CNTNAP2: variants seen among roughly 807,000 people sequenced by gnomAD.
CNTNAP2 encodes the protein contactin-associated protein-like 2.
A neutral mutation model predicts 155.2 loss-of-function variants in CNTNAP2; 98 were observed. The observed-to-expected ratio is 0.63, with a 90% confidence interval of 0.54 to 0.75. The LOEUF (loss-of-function observed/expected upper bound fraction) is 0.75. Ranked by LOEUF, CNTNAP2 falls within the 30% of genes least tolerant of loss-of-function variation. The pLI is 0.00. For missense variants in CNTNAP2, 1,727 were observed against 1,688.1 expected (o/e 1.02, Z -0.40); for synonymous variants, 651 against 631.2 (o/e 1.03, Z -0.47).
At chr7:147,525,294 T>C (rs1329490888) in intron 11 of CNTNAP2, among the ~76,000 whole-genome samples, 1 of 152,174 alleles carries the variant, frequency 6.6e-6, no homozygotes, top group Non-Finnish European at 1.5e-5. Flanking sequence ...TGTGTCTGTA[T>C]AACAAAGACA....
chr7:147,071,704 G>A (rs1799895847), intron 4 of CNTNAP2, among the ~76,000 whole-genome samples: 1 of 152,180 alleles, frequency 6.6e-6, no homozygotes. Context: ...GATACGGGTA[G>A]TTAAGGCTGA....
intron 13 of CNTNAP2, among the ~76,000 whole-genome samples, chr7:147,895,284 T>C (rs1585015336): frequency 6.6e-6 from 1 of 152,118 alleles, no homozygotes; most frequent in Non-Finnish European, 1.5e-5. Context: ...TATTGGTTTT[T>C]TTAAGTAAGT....
chr7:146,433,233 C>A (rs1254534664), intron 1 of CNTNAP2, among the ~76,000 whole-genome samples: 1 of 152,108 alleles, frequency 6.6e-6, no homozygotes, highest in Non-Finnish European at 1.5e-5. Flanking sequence ...GGCCTTTGTA[C>A]ACACAGAAAG....
intron 1 of CNTNAP2, among the ~76,000 whole-genome samples, chr7:146,749,120 A>T (rs905416534): frequency 6.6e-6 from 1 of 152,166 alleles, no homozygotes; most frequent in Non-Finnish European, 1.5e-5. Context: ...CATATATAAC[A>T]TATACATATA....
At chr7:146,533,107 C>CAAAAAAAAAAAAAAAAAAA (rs553035616) in intron 1 of CNTNAP2, among the ~76,000 whole-genome samples, 1 of 47,852 alleles carries the variant, frequency 2.1e-5, no homozygotes, top group African/African-American at 6.8e-5. Flanking sequence ...GACCCTGTCT[C>CAAAAAAAAAAAAAAAAAAA]AAAAAAAAAA....
Position 147,621,063 on chromosome 7 carries a change from G to A in CNTNAP2, c.1898-18043G>A, listed in dbSNP as rs192847154. 2.8e-3 allele frequency among the ~76,000 whole-genome samples: 420 copies of A among 152,262 alleles called. 1 individual carries two copies. Among genetic ancestry groups the A allele is most frequent in the African/African-American group, 9.5e-3 (396 of 41,566 alleles). ...TTTCAGTTGAAACCTTACAGACCAG[G>A]AGAGAGGGGCATGACATATTTACGG... On this transcript the variant is annotated intron_variant, in intron 12 of 23. Transcript: ENST00000361727.
chr7:148,221,011 G>A (rs534228328), intron 19 of CNTNAP2, among the ~76,000 whole-genome samples: 1 of 151,888 alleles, frequency 6.6e-6, no homozygotes, highest in Non-Finnish European at 1.5e-5. Flanking sequence ...TACTTTTATT[G>A]TCTGCTCCTC....
At chr7:147,228,222 C>A (rs1252858005) in intron 8 of CNTNAP2, among the ~76,000 whole-genome samples, 2 of 152,086 alleles carry the variant, frequency 1.3e-5, no homozygotes, top group Non-Finnish European at 2.9e-5. Context: ...CAGATTCTTA[C>A]TTTTGAAAGT....
intron 2 of CNTNAP2, among the ~76,000 whole-genome samples, chr7:146,787,711 T>A (rs921691005): frequency 6.6e-6 from 1 of 152,198 alleles, no homozygotes; most frequent in African/African-American, 2.4e-5. Context: ...TTTTCTTCCC[T>A]TATCTGGCCC....
intron 1 of CNTNAP2, among the ~76,000 whole-genome samples, chr7:146,741,495 A>G (rs1801715559): frequency 6.6e-6 from 1 of 152,218 alleles, no homozygotes; most frequent in Admixed American, 6.5e-5. Context: ...AAATTTATAC[A>G]TAATAGTGTA....
At chr7:148,256,712 A>C (rs2116824886) in intron 20 of CNTNAP2, among the ~76,000 whole-genome samples, 1 of 152,258 alleles carries the variant, frequency 6.6e-6, no homozygotes, top group East Asian at 1.9e-4. Context: ...AGGCTTAGGC[A>C]CAGTGGATTC....
chr7:148,213,768 T>C lies in CNTNAP2; in HGVS notation c.3011-3520T>C, dbSNP rs190249866. On this transcript the variant is annotated intron_variant, in intron 18 of 23. Coordinates refer to ENST00000361727, the MANE Select transcript of CNTNAP2 (RefSeq NM_014141.6). ...CTCCTCCTCCCTCCCCTGTCCTCTGTTAGACACATTTACAGAAGCCTGTCC... is the reference window on the plus strand; with the variant it reads ...CTCCTCCTCCCTCCCCTGTCCTCTGCTAGACACATTTACAGAAGCCTGTCC... Among the ~76,000 whole-genome samples the C allele has an allele frequency of 2.0e-5, 3 of 152,236 alleles. No individual in the cohort carries two copies. The East Asian group carries it at 5.8e-4, about 29-fold the overall frequency.
intron 14 of CNTNAP2, among the ~76,000 whole-genome samples, chr7:147,967,753 A>C (rs1330859197): frequency 6.6e-6 from 1 of 152,226 alleles, no homozygotes; most frequent in East Asian, 1.9e-4. Flanking sequence ...GCCCAGATAA[A>C]CTAACCAACT....
intron 20 of CNTNAP2, among the ~76,000 whole-genome samples, chr7:148,265,541 C>T (rs922312565): frequency 1.3e-4 from 20 of 152,208 alleles, no homozygotes; most frequent in African/African-American, 4.8e-4. Flanking sequence ...TCCCAAAATG[C>T]TGGGATTACA....
chr7:146,151,678 A>ATG (rs1231223105), intron 1 of CNTNAP2, among the ~76,000 whole-genome samples: 309 of 24,312 alleles, frequency 0.013, no homozygotes, highest in Middle Eastern at 0.029. Context: ...ATATATATAT[A>ATG]TATGTATATA....
intron 12 of CNTNAP2, among the ~76,000 whole-genome samples, chr7:147,624,630 G>A (rs1794936448): frequency 6.6e-6 from 1 of 152,014 alleles, no homozygotes; most frequent in South Asian, 2.1e-4. Context: ...GAGGATATGG[G>A]GAACAGGAAA....
intron 10 of CNTNAP2, among the ~76,000 whole-genome samples, chr7:147,468,776 A>T (rs1333693617): frequency 6.6e-6 from 1 of 152,052 alleles, no homozygotes; most frequent in African/African-American, 2.4e-5. Context: ...CTACTTAAAG[A>T]TTATGTAAGA....
intron 21 of CNTNAP2, among the ~76,000 whole-genome samples, chr7:148,363,992 G>T (rs917905026): frequency 6.6e-6 from 1 of 152,202 alleles, no homozygotes; most frequent in African/African-American, 2.4e-5. Flanking sequence ...CCCCAGCAGT[G>T]CCGGCCCACC....
At chr7:146,881,704 C>T (rs182241736) in intron 3 of CNTNAP2, among the ~76,000 whole-genome samples, 16 of 150,494 alleles carry the variant, frequency 1.1e-4, no homozygotes, top group African/African-American at 3.9e-4. Flanking sequence ...CAAGTTTTAC[C>T]CCCAAGAGTT....
Sources: gnomAD v4.1 joint callset for allele counts (sites outside exome capture counted in the v4.1 genomes callset) on GRCh38, gnomAD v4.1.1 for gene constraint, MANE v1.5 for transcripts, NCBI Gene and HGNC (gene_info 2026-07-23, HGNC 2026-07-21) for gene names.